Variants in ADAMTS6 observed in about 807,000 individuals in gnomAD.
ADAMTS6 encodes the protein A disintegrin and metalloproteinase with thrombospondin motifs 6.
ADAMTS6 carries 23 observed loss-of-function variants against 144.3 expected under a neutral mutation model. That is an observed-to-expected ratio of 0.16 (90% CI 0.11 to 0.23). The LOEUF (loss-of-function observed/expected upper bound fraction) is 0.23. ADAMTS6 is among the 10% of genes least tolerant of loss of function. The pLI is 1.00. For missense variants in ADAMTS6, 999 were observed against 1,379.6 expected, an observed-to-expected ratio of 0.72 and a Z score of 4.37; for synonymous variants, 444 against 457.5, an observed-to-expected ratio of 0.97 and a Z score of 0.38.
In ADAMTS6 at chr5:65,432,606, T is replaced by C. The variant is rs536871518; in HGVS notation, c.1073+18869A>G. ...TGATCATGTCACTTTTCTGTTTAAA[T>C]TTCTCCAATGCCACCCATTATGTAA... is the stretch of plus-strand genomic sequence containing the variant. On this transcript the variant is annotated intron_variant, in intron 7 of 24. Transcript: ENST00000381055. Among the ~76,000 whole-genome samples the C allele has an allele frequency of 4.1e-4, 62 of 152,222 alleles. 2 individuals are homozygous for C. The highest frequency in any genetic ancestry group is 2.1e-3 in the South Asian group (10 of 4,832).
In ADAMTS6 at chr5:65,149,867, T is replaced by A. The variant is rs1176674597; in HGVS notation, c.*1969A>T. 1 of 152,686 alleles carries A rather than the reference T, an allele frequency of 6.5e-6. No homozygotes were observed. The highest frequency in any genetic ancestry group is 1.5e-5 in the Non-Finnish European group (1 of 68,072). The allele number at this position is 152,686 out of a possible 1,614,324, so 9.5% of individuals were successfully genotyped here. A position where few individuals can be genotyped will look rare whatever the true frequency, so the allele number is the denominator to read the frequency against. On this transcript the variant is annotated 3_prime_UTR_variant, in exon 25 of 25. Transcript: ENST00000381055. Reference sequence around the variant, plus strand: ...GCTAAGACGGCACTTGGGCTGGTCTTCTAAGGGCATCTTAGATCCGGGCCC... The same window carrying A: ...GCTAAGACGGCACTTGGGCTGGTCTACTAAGGGCATCTTAGATCCGGGCCC...
intron 18 of ADAMTS6, among the ~76,000 whole-genome samples, chr5:65,219,852 G>A (rs1757187256): frequency 6.6e-6 from 1 of 152,194 alleles, no homozygotes; most frequent in Non-Finnish European, 1.5e-5. Flanking sequence ...ACAAACTATT[G>A]GGTTGGTGCA....
At chr5:65,369,255 C>A (rs142409501) in intron 7 of ADAMTS6, among the ~76,000 whole-genome samples, 1 of 151,984 alleles carries the variant, frequency 6.6e-6, no homozygotes, top group Non-Finnish European at 1.5e-5. Context: ...GAAATAATTA[C>A]GCCAAAATTT....
chr5:65,217,765 G>T (rs573076717), intron 18 of ADAMTS6, among the ~76,000 whole-genome samples: 2 of 152,094 alleles, frequency 1.3e-5, no homozygotes, highest in Non-Finnish European at 2.9e-5. Context: ...ACTCATTTAG[G>T]TCTCACTAAG....
intron 7 of ADAMTS6, among the ~76,000 whole-genome samples, chr5:65,336,715 T>C (rs940200249): frequency 6.6e-6 from 1 of 152,126 alleles, no homozygotes; most frequent in African/African-American, 2.4e-5. Flanking sequence ...ATTTGTGCCT[T>C]CCTGCTTATT....
intron 7 of ADAMTS6, among the ~76,000 whole-genome samples, chr5:65,407,392 G>T (rs1465129271): frequency 6.6e-6 from 1 of 151,494 alleles, no homozygotes; most frequent in Non-Finnish European, 1.5e-5. Flanking sequence ...CAACGTGCAG[G>T]TTCGTTACAT....
At chr5:65,358,106 CA>C (rs35998572) in intron 7 of ADAMTS6, among the ~76,000 whole-genome samples, 17,132 of 151,874 alleles carry the variant, frequency 0.11, 1,036 homozygotes, top group African/African-American at 0.15. Context: ...GCAAATTCAA[CA>C]GCACATTAAA....
intron 22 of ADAMTS6, among the ~76,000 whole-genome samples, chr5:65,174,310 G>C (rs1337695251): frequency 6.6e-6 from 1 of 152,172 alleles, no homozygotes; most frequent in Non-Finnish European, 1.5e-5. Flanking sequence ...CCCTGACCGG[G>C]AAGCGAGGTG....
chr5:65,333,997 TAAAAAAAAAAAAAAAA>T (rs750637450), intron 8 of ADAMTS6, 29 bp downstream of exon 8: 46 of 842,410 alleles, frequency 5.5e-5, no homozygotes, highest in South Asian at 4.8e-4. Context: ...CTACCTTTAT[TAAAAAAAAAAAAAAAA>T]AAAAAAAAAA....
At chr5:65,420,431 G>A (rs776111784) in intron 7 of ADAMTS6, among the ~76,000 whole-genome samples, 2 of 152,204 alleles carry the variant, frequency 1.3e-5, no homozygotes, top group East Asian at 1.9e-4. Flanking sequence ...GTCCAGGCTG[G>A]AGTACAATAG....
At chr5:65,330,558 T>C (rs1008321563) in intron 8 of ADAMTS6, among the ~76,000 whole-genome samples, 1 of 152,086 alleles carries the variant, frequency 6.6e-6, no homozygotes, top group Non-Finnish European at 1.5e-5. Context: ...AGCAATGTTC[T>C]GTGCTAGGTA....
chr5:65,402,850 T>A (rs576045597), intron 7 of ADAMTS6, among the ~76,000 whole-genome samples: 7 of 152,286 alleles, frequency 4.6e-5, no homozygotes, highest in African/African-American at 1.7e-4. Flanking sequence ...CAAAACAAGA[T>A]GAAATGAAAA....
At chr5:65,427,459 G>T (rs1375001719) in intron 7 of ADAMTS6, among the ~76,000 whole-genome samples, 2 of 151,946 alleles carry the variant, frequency 1.3e-5, no homozygotes, top group Non-Finnish European at 2.9e-5. Flanking sequence ...ATATTATTTG[G>T]TATACAGATA....
intron 7 of ADAMTS6, among the ~76,000 whole-genome samples, chr5:65,450,677 C>A (rs1758669545): frequency 1.3e-5 from 2 of 152,050 alleles, no homozygotes; most frequent in African/African-American, 4.8e-5. Flanking sequence ...GTATTAAAAA[C>A]TATAACAGAT....
chr5:65,319,671 AAGGG>A (rs1745352548), intron 9 of ADAMTS6, among the ~76,000 whole-genome samples: 2 of 115,722 alleles, frequency 1.7e-5, no homozygotes, highest in African/African-American at 3.2e-5. Context: ...AAAAAAAAGG[AAGGG>A]AGGGAGGGAG....
chr5:65,215,390 C>T lies in ADAMTS6; in HGVS notation c.2370G>A (p.Lys790=). ...FDVAGTAFHY[K]RPTDEPESLE... ...AGGATTCTGGTTCATCAGTTGGTCT[C>T]TTGTAATGAAAAGCTGTCCCAGCAA... is the stretch of plus-strand genomic sequence containing the variant. The change falls in exon 19 of 25, where the codon AAG becomes AAA. Residue 790 remains lysine, a synonymous_variant. Transcript: ENST00000381055. 1 of 1,614,054 alleles carries T rather than the reference C, an allele frequency of 6.2e-7. No individual in the cohort carries two copies. Among genetic ancestry groups the T allele is most frequent in the Non-Finnish European group, 8.5e-7 (1 of 1,179,962 alleles).
chr5:65,160,934 G>T (rs897438529), intron 24 of ADAMTS6, among the ~76,000 whole-genome samples: 1 of 152,134 alleles, frequency 6.6e-6, no homozygotes, highest in Non-Finnish European at 1.5e-5. Context: ...TTATAGGCGT[G>T]AGCCACCATG....
At chr5:65,413,965 C>T (rs1755280599) in intron 7 of ADAMTS6, among the ~76,000 whole-genome samples, 1 of 152,116 alleles carries the variant, frequency 6.6e-6, no homozygotes, top group African/African-American at 2.4e-5. Flanking sequence ...ATATGTTAAA[C>T]TGAACGAATC....
intron 7 of ADAMTS6, among the ~76,000 whole-genome samples, chr5:65,405,046 A>C (rs565674160): frequency 9.7e-4 from 148 of 152,054 alleles, no homozygotes; most frequent in African/African-American, 3.0e-3. Context: ...TGGATATTAG[A>C]CCTTTGTCAG....
Sources: gnomAD v4.1 joint callset for allele counts (sites outside exome capture counted in the v4.1 genomes callset) on GRCh38, gnomAD v4.1.1 for gene constraint, MANE v1.5 for transcripts, NCBI Gene and HGNC (gene_info 2026-07-23, HGNC 2026-07-21) for gene names.